The following EEFSEC variants were observed in gnomAD, a reference collection of about 807,000 sequenced individuals.
EEFSEC encodes the protein selenocysteine-specific elongation factor.
In EEFSEC, 43 loss-of-function variants were observed where a neutral mutation model predicts 42.1. The observed-to-expected ratio is 1.02, with a 90% CI of 0.80 to 1.32. The LOEUF is 1.32. Among genes scored for constraint, EEFSEC ranks in the 40% most tolerant of loss-of-function variants. The pLI is 0.00. For synonymous variants in EEFSEC, 354 were observed against 339.1 expected (o/e 1.04, Z -0.48); for missense variants, 745 against 803.6 (o/e 0.93, Z 0.88).
chr3:128,335,409 A>G (rs2067179051), intron 4 of EEFSEC, among the ~76,000 whole-genome samples: 1 of 152,184 alleles, frequency 6.6e-6, no homozygotes, highest in African/African-American at 2.4e-5. Flanking sequence ...GCATCCAAGC[A>G]GGTATGGGAA....
At position 128,341,904 on chromosome 3, in the gene EEFSEC, G is replaced by A. The variant is rs774392055; in HGVS notation, c.1443+15G>A. 6 of 1,605,806 alleles carry A rather than the reference G, an allele frequency of 3.7e-6. No individual in the cohort carries two copies. The highest frequency in any genetic ancestry group is 2.7e-5 in the African/African-American group (2 of 74,890). On this transcript the variant is annotated intron_variant, in intron 5 of 6. Transcript: ENST00000254730. Reference sequence around the variant, plus strand: ...TTGTGGAGCGGGTGAGCATGCCCTTGCCTGGCCCCACACCCCTTCCCTTCT... The same window carrying A: ...TTGTGGAGCGGGTGAGCATGCCCTTACCTGGCCCCACACCCCTTCCCTTCT...
chr3:128,281,824 C>T (rs2066529118), intron 4 of EEFSEC, among the ~76,000 whole-genome samples: 1 of 152,172 alleles, frequency 6.6e-6, no homozygotes, highest in Admixed American at 6.5e-5. Flanking sequence ...GGGGGCCTGG[C>T]GACTTGCACT....
At chr3:128,360,416 G>A (rs1039919196) in intron 6 of EEFSEC, among the ~76,000 whole-genome samples, 13 of 152,198 alleles carry the variant, frequency 8.5e-5, no homozygotes, top group South Asian at 2.1e-4. Flanking sequence ...CAGCTGGGTC[G>A]GGGGCCATAC....
rs1333480747 is a variant in EEFSEC, at chr3:128,160,640, T to TA, written c.316+6818dup. Among the ~76,000 whole-genome samples, 5 of 152,190 alleles carry TA rather than the reference T, an allele frequency of 3.3e-5. No individual in the cohort carries two copies. The East Asian group carries it at 9.6e-4, about 29-fold the overall frequency. On this transcript the variant is annotated intron_variant, in intron 1 of 6. Coordinates refer to ENST00000254730, the MANE Select transcript of EEFSEC (RefSeq NM_021937.5). ...CATCCCTGGGAGATCGGGCTCTTGT[T>TA]AGAGTTCCTTGCTACTGTGAAAGAT...
At chr3:128,327,534 C>T (rs1381395770) in intron 4 of EEFSEC, among the ~76,000 whole-genome samples, 1 of 152,210 alleles carries the variant, frequency 6.6e-6, no homozygotes, top group East Asian at 1.9e-4. Flanking sequence ...CATGGCCTGC[C>T]ATGGAGTAGG....
At chr3:128,274,313 C>T (rs966177138) in intron 4 of EEFSEC, among the ~76,000 whole-genome samples, 1 of 152,182 alleles carries the variant, frequency 6.6e-6, no homozygotes, top group Non-Finnish European at 1.5e-5. Flanking sequence ...TCCTCCGAGT[C>T]GCAGCAAAGA....
chr3:128,422,791 G>A, the EEFSEC span, among the ~76,000 whole-genome samples: 1 of 152,212 alleles, frequency 6.6e-6, no homozygotes, highest in Admixed American at 6.5e-5. Flanking sequence ...AGATGTCCCT[G>A]CCTACCCCAG....
chr3:128,190,916 G>A (rs1211039644), intron 1 of EEFSEC, among the ~76,000 whole-genome samples: 11 of 152,142 alleles, frequency 7.2e-5, no homozygotes, highest in Non-Finnish European at 4.4e-5. Flanking sequence ...ACTGTGCCTC[G>A]CCTGGGGGTA....
intron 1 of EEFSEC, among the ~76,000 whole-genome samples, chr3:128,159,745 T>C (rs1242010222): frequency 6.6e-6 from 1 of 152,168 alleles, no homozygotes; most frequent in Non-Finnish European, 1.5e-5. Context: ...CTCTGTTTGG[T>C]ACATCTGGCT....
At chr3:128,159,187 C>T (rs1944435302) in intron 1 of EEFSEC, among the ~76,000 whole-genome samples, 1 of 152,372 alleles carries the variant, frequency 6.6e-6, no homozygotes, top group East Asian at 1.9e-4. Flanking sequence ...TGCATCTATG[C>T]AATACCACCC....
At chr3:128,360,217 C>A (rs1046097887) in intron 6 of EEFSEC, among the ~76,000 whole-genome samples, 1 of 152,240 alleles carries the variant, frequency 6.6e-6, no homozygotes, top group Non-Finnish European at 1.5e-5. Context: ...CTTTGTGCAT[C>A]GCTTCAGTTT....
intron 4 of EEFSEC, among the ~76,000 whole-genome samples, chr3:128,314,221 G>A (rs535802169): frequency 1.3e-5 from 2 of 152,218 alleles, no homozygotes; most frequent in African/African-American, 4.8e-5. Flanking sequence ...CAATGTCCTT[G>A]AGAGCAGTTT....
At chr3:128,318,228 C>T (rs577428932) in intron 4 of EEFSEC, among the ~76,000 whole-genome samples, 4 of 152,336 alleles carry the variant, frequency 2.6e-5, no homozygotes, top group East Asian at 3.9e-4. Context: ...AGCCAATGCC[C>T]GGAACATAGT....
intron 5 of EEFSEC, among the ~76,000 whole-genome samples, chr3:128,347,125 C>T (rs1355561873): frequency 6.6e-6 from 1 of 152,180 alleles, no homozygotes; most frequent in East Asian, 1.9e-4. Context: ...CTTGGGTGCC[C>T]ACTGTCTCTG....
chr3:128,391,581 G>A (rs2067913585), intron 6 of EEFSEC, among the ~76,000 whole-genome samples: 1 of 152,210 alleles, frequency 6.6e-6, no homozygotes, highest in Non-Finnish European at 1.5e-5. Context: ...GCGCTTTGAA[G>A]CAAGCCAATG....
chr3:128,316,320 T>C (rs1355678194), intron 4 of EEFSEC, among the ~76,000 whole-genome samples: 1 of 152,204 alleles, frequency 6.6e-6, no homozygotes, highest in Non-Finnish European at 1.5e-5. Flanking sequence ...CACCCTAATA[T>C]ACACACTTAG....
At chr3:128,159,038 G>A (rs1269847063) in intron 1 of EEFSEC, among the ~76,000 whole-genome samples, 1 of 152,182 alleles carries the variant, frequency 6.6e-6, no homozygotes, top group East Asian at 1.9e-4. Flanking sequence ...CTGAGACCAA[G>A]GCTGCTACCA....
chr3:128,422,750 G>A, the EEFSEC span, among the ~76,000 whole-genome samples: 1 of 152,234 alleles, frequency 6.6e-6, no homozygotes, highest in East Asian at 1.9e-4. Context: ...GCCCGGGAGG[G>A]TGGGAGAGTT....
At position 128,369,893 on chromosome 3, in the gene EEFSEC, T is replaced by C. The variant is rs150128658; in HGVS notation, c.1600+11520T>C. 5.3e-5 allele frequency among the ~76,000 whole-genome samples: 8 copies of C among 152,334 alleles called. No homozygotes were observed. The East Asian group carries it at 1.2e-3, about 22-fold the overall frequency. On this transcript the variant is annotated intron_variant, in intron 6 of 6. Transcript: ENST00000254730. ...CTGCTGTGCCTGCACCCTCAGCACA[T>C]GTCCCCGAGGAACAAGGACATTCTC...
Sources: gnomAD v4.1 joint callset for allele counts (sites outside exome capture counted in the v4.1 genomes callset) on GRCh38, gnomAD v4.1.1 for gene constraint, MANE v1.5 for transcripts, NCBI Gene and HGNC (gene_info 2026-07-23, HGNC 2026-07-21) for gene names.